Variants in FBXL4 observed in about 807,000 individuals in gnomAD.
FBXL4 encodes F-box/LRR-repeat protein 4.
Under a neutral mutation model 58.9 loss-of-function variants are expected in FBXL4, and 40 were observed. The ratio of observed to expected loss-of-function variants is 0.68; its 90% CI spans 0.53 to 0.88. FBXL4 has a LOEUF of 0.88. Ranked by LOEUF, FBXL4 falls within the 40% of genes least tolerant of loss-of-function variation. The pLI is 0.00. For missense variants in FBXL4, 676 were observed against 734.4 expected (o/e 0.92, Z 0.92); for synonymous variants, 263 against 265.5 (o/e 0.99, Z 0.09).
intron 7 of FBXL4, among the ~76,000 whole-genome samples, chr6:98,893,564 C>G (rs1398596031): frequency 6.6e-6 from 1 of 152,196 alleles, no homozygotes; most frequent in Non-Finnish European, 1.5e-5. Flanking sequence ...TTCTTAGGTA[C>G]TGGGGGGTAG....
chr6:98,884,858 T>C (rs13195046), intron 7 of FBXL4, among the ~76,000 whole-genome samples: 7,530 of 152,256 alleles, frequency 0.049, 253 homozygotes, highest in Middle Eastern at 0.12. Flanking sequence ...TGGAGTCTCC[T>C]AGTACCAGCG....
chr6:98,923,979 G>A (rs183588454), intron 4 of FBXL4, among the ~76,000 whole-genome samples: 29 of 151,560 alleles, frequency 1.9e-4, no homozygotes, highest in Non-Finnish European at 2.9e-5. Flanking sequence ...CTCTTAAAAT[G>A]TAATGGTATT....
At chr6:98,882,706 T>C (rs1770896018) in intron 7 of FBXL4, among the ~76,000 whole-genome samples, 1 of 152,078 alleles carries the variant, frequency 6.6e-6, no homozygotes. Flanking sequence ...AGGTAACCTT[T>C]ATTATGACTT....
At chr6:98,912,749 T>C (rs1207005960) in intron 5 of FBXL4, among the ~76,000 whole-genome samples, 4 of 150,714 alleles carry the variant, frequency 2.7e-5, no homozygotes, top group Admixed American at 1.3e-4. Context: ...CCATCGAGAA[T>C]AGGAAGAAAC....
At chr6:98,891,423 G>A (rs1016671517) in intron 7 of FBXL4, among the ~76,000 whole-genome samples, 16 of 152,102 alleles carry the variant, frequency 1.1e-4, no homozygotes, top group African/African-American at 3.9e-4. Flanking sequence ...CAAAATCTAA[G>A]ACTAAATGTT....
intron 6 of FBXL4, 113 bp from the exon 7 acceptor site, chr6:98,899,594 G>C: frequency 4.9e-6 from 6 of 1,236,906 alleles, no homozygotes; most frequent in Non-Finnish European, 6.6e-6. Context: ...ATTTCTATTA[G>C]GGAAAATGTA....
At chr6:98,879,448 T>C (rs375469590) in intron 8 of FBXL4, among the ~76,000 whole-genome samples, 1 of 152,232 alleles carries the variant, frequency 6.6e-6, no homozygotes, top group African/African-American at 2.4e-5. Context: ...AACACACACA[T>C]GCACACCTTC....
At chr6:98,940,980 A>C (rs2128412791) in intron 1 of FBXL4, among the ~76,000 whole-genome samples, 1 of 152,314 alleles carries the variant, frequency 6.6e-6, no homozygotes, top group East Asian at 1.9e-4. Flanking sequence ...GGAATGCAAA[A>C]TCATATAGCC....
chr6:98,911,362 G>A (rs563974700), intron 5 of FBXL4, among the ~76,000 whole-genome samples: 71 of 152,138 alleles, frequency 4.7e-4, no homozygotes, highest in Non-Finnish European at 7.6e-4. Context: ...ATCTGAGAAC[G>A]GGCAGACTGC....
chr6:98,920,157 T>A (rs1456794991), intron 4 of FBXL4, among the ~76,000 whole-genome samples: 1 of 152,116 alleles, frequency 6.6e-6, no homozygotes, highest in Non-Finnish European at 1.5e-5. Context: ...AATATAAACA[T>A]AAAGACATTG....
intron 1 of FBXL4, among the ~76,000 whole-genome samples, chr6:98,938,319 T>C (rs1234075226): frequency 6.6e-6 from 1 of 152,170 alleles, no homozygotes; most frequent in Non-Finnish European, 1.5e-5. Flanking sequence ...TAAAGTTCCT[T>C]ACAACCCCCT....
chr6:98,901,384 T>C (rs1478366520), intron 6 of FBXL4, among the ~76,000 whole-genome samples: 1 of 152,000 alleles, frequency 6.6e-6, no homozygotes, highest in African/African-American at 2.4e-5. Context: ...CGCAAAATGA[T>C]GGCGAGATGA....
chr6:98,899,559 T>G, intron 6 of FBXL4, 78 bp from the exon 7 acceptor site: 2 of 1,434,120 alleles, frequency 1.4e-6, no homozygotes, highest in Non-Finnish European at 1.9e-6. Flanking sequence ...TTAGCAACTC[T>G]AAGTAGATAC....
At position 98,868,879 on chromosome 6, in the gene FBXL4, A is replaced by G. The variant is rs1770421994; in HGVS notation, c.*5399T>C. On this transcript the variant is annotated 3_prime_UTR_variant, in exon 10 of 10. Transcript: ENST00000369244. The stretch of plus-strand genomic sequence containing the variant: ...GTCAAATATACCTTTAACAGTATTC[A>G]TATGCACAAAATTTAAGCCAAATAT... The G allele has an allele frequency of 6.6e-6, 1 of 152,222 alleles. No homozygotes were observed. Among genetic ancestry groups the G allele is most frequent in the South Asian group, 2.1e-4 (1 of 4,836 alleles). 9.4% of individuals were successfully genotyped at this position (152,222 alleles called of 1,614,324 possible). A position where few individuals can be genotyped will look rare whatever the true frequency, so the allele number is the denominator to read the frequency against.
At chr6:98,908,527 T>C (rs1771903496) in intron 5 of FBXL4, among the ~76,000 whole-genome samples, 1 of 152,138 alleles carries the variant, frequency 6.6e-6, no homozygotes, top group African/African-American at 2.4e-5. Flanking sequence ...AATATATCCT[T>C]ATAGTAAATT....
intron 4 of FBXL4, 83 bp from the exon 5 acceptor site, chr6:98,917,802 T>A: frequency 1.1e-6 from 1 of 875,258 alleles, no homozygotes; most frequent in Non-Finnish European, 1.7e-6. Flanking sequence ...ATGCCCAATA[T>A]GTCACAGTGT....
At position 98,930,860 on chromosome 6, in the gene FBXL4, T is replaced by A. The variant is rs147236973; in HGVS notation, c.-190-3038A>T. On this transcript the variant is annotated intron_variant, in intron 2 of 9. Transcript: ENST00000369244. ...CTTTATTTCAAAATAGGGCTGCAGATAAATTAAGAACCATTTTCCAAAGAA... is the reference window on the plus strand; with the variant it reads ...CTTTATTTCAAAATAGGGCTGCAGAAAAATTAAGAACCATTTTCCAAAGAA... Among the ~76,000 whole-genome samples, 510 of 152,330 alleles carry A rather than the reference T, an allele frequency of 3.3e-3. 5 individuals are homozygous for A. The highest frequency in any genetic ancestry group is 0.012 in the African/African-American group (486 of 41,582).
intron 4 of FBXL4, among the ~76,000 whole-genome samples, chr6:98,926,037 C>T (rs776213783): frequency 1.2e-4 from 18 of 152,174 alleles, no homozygotes; most frequent in Non-Finnish European, 2.6e-4. Context: ...GTTGCAAAAA[C>T]ATTCAACTAA....
intron 7 of FBXL4, among the ~76,000 whole-genome samples, chr6:98,887,594 T>C (rs900545171): frequency 1.5e-4 from 23 of 152,212 alleles, no homozygotes; most frequent in Middle Eastern, 3.2e-3. Flanking sequence ...AATTAAAAAA[T>C]CATTTAATAT....
Sources: gnomAD v4.1 joint callset for allele counts (sites outside exome capture counted in the v4.1 genomes callset) on GRCh38, gnomAD v4.1.1 for gene constraint, MANE v1.5 for transcripts, NCBI Gene and HGNC (gene_info 2026-07-23, HGNC 2026-07-21) for gene names.